The following EIF5B variants were observed in gnomAD, a reference collection of about 807,000 sequenced individuals.
The protein encoded by EIF5B is eukaryotic translation initiation factor 5B.
In EIF5B, 47 loss-of-function variants were observed where a neutral mutation model predicts 147.5. The ratio of observed to expected loss-of-function variants is 0.32; its 90% CI spans 0.25 to 0.41. EIF5B has a LOEUF of 0.41. Among genes scored for constraint, EIF5B ranks in the 10% least tolerant of loss-of-function variants. EIF5B has a pLI of 1.00. For missense variants in EIF5B, 1,064 were observed against 1,413.2 expected (o/e 0.75, Z 3.96); for synonymous variants, 455 against 456.2 (o/e 1.00, Z 0.03).
In EIF5B at chr2:99,398,822, A is replaced by G; in HGVS notation, c.3468A>G (p.Glu1156=). 6.2e-7 allele frequency: 1 copy of G among 1,614,218 alleles called. No homozygotes were observed. ...TGGATGTTGCAAAAAAAGGACAAGA[A>G]GTTTGTGTAAAAATAGAACCTATCC... ...KQVDVAKKGQ[E]VCVKIEPIPG... is the part of the protein sequence containing the mutation. Residue 1156 remains glutamate, a synonymous_variant, in exon 23 of 24, where the codon GAA becomes GAG. Coordinates refer to ENST00000289371, the MANE Select transcript of EIF5B (RefSeq NM_015904.4).
At chr2:99,360,954 C>T (rs999980820) in intron 3 of EIF5B, among the ~76,000 whole-genome samples, 194 bp from the exon 4 acceptor site, 1 of 152,210 alleles carries the variant, frequency 6.6e-6, no homozygotes, top group Non-Finnish European at 1.5e-5. Context: ...CTGCAATTTA[C>T]AATGATGCGA....
At chr2:99,343,684 C>T (rs976913436) in intron 1 of EIF5B, among the ~76,000 whole-genome samples, 8 of 151,634 alleles carry the variant, frequency 5.3e-5, no homozygotes, top group African/African-American at 7.3e-5. Context: ...TGTGGTAGCA[C>T]GCGCCTGTAG....
At chr2:99,367,383 T>C (rs890325106) in intron 6 of EIF5B, among the ~76,000 whole-genome samples, 8 of 150,934 alleles carry the variant, frequency 5.3e-5, no homozygotes, top group Admixed American at 2.0e-4. Context: ...CTGAAAAGAA[T>C]GTTCTAAAAA....
At chr2:99,387,519 A>T (rs1370862280) in intron 14 of EIF5B, among the ~76,000 whole-genome samples, 1 of 152,212 alleles carries the variant, frequency 6.6e-6, no homozygotes, top group African/African-American at 2.4e-5. Context: ...TGCTCTATAT[A>T]CATTCCTATG....
intron 9 of EIF5B, among the ~76,000 whole-genome samples, chr2:99,375,656 G>A (rs574323935): frequency 3.9e-5 from 6 of 152,258 alleles, no homozygotes; most frequent in Admixed American, 2.0e-4. Context: ...TTCTCCCATG[G>A]ATTCTGTCTT....
At chr2:99,364,001 A>C in intron 5 of EIF5B, 139 bp downstream of exon 5, 1 of 1,060,992 alleles carries the variant, frequency 9.4e-7, no homozygotes, top group Non-Finnish European at 1.3e-6. Flanking sequence ...CGATACAAAT[A>C]ATAAGATGAA....
At chr2:99,378,903 A>G (rs1256236109) in intron 10 of EIF5B, 116 bp from the exon 11 acceptor site, 3 of 741,450 alleles carry the variant, frequency 4.0e-6, no homozygotes, top group Non-Finnish European at 6.2e-6. Flanking sequence ...AGTCAAATCA[A>G]CAAAGAACTT....
intron 14 of EIF5B, among the ~76,000 whole-genome samples, chr2:99,387,747 C>T (rs1260625329): frequency 6.6e-6 from 1 of 152,182 alleles, no homozygotes; most frequent in East Asian, 1.9e-4. Flanking sequence ...AGAGAATTGG[C>T]TCTTTTAGCA....
At chr2:99,394,438 G>A (rs189122121) in intron 19 of EIF5B, 40 bp downstream of exon 19, 1 of 1,613,386 alleles carries the variant, frequency 6.2e-7, no homozygotes, top group African/African-American at 1.3e-5. Flanking sequence ...AATGGTGGTT[G>A]GTCGTGGTTT....
intron 23 of EIF5B, 175 bp from the exon 24 acceptor site, chr2:99,399,132 G>A: frequency 1.3e-6 from 1 of 762,934 alleles, no homozygotes; most frequent in Non-Finnish European, 2.1e-6. Flanking sequence ...GTCCCCTCGT[G>A]CCTGACATGC....
At chr2:99,358,677 TG>T in intron 1 of EIF5B, among the ~76,000 whole-genome samples, 1 of 152,334 alleles carries the variant, frequency 6.6e-6, no homozygotes, top group African/African-American at 2.4e-5. Flanking sequence ...ATGCCTTTTG[TG>T]AGCCCTCTTG....
At chr2:99,390,082 A>G (rs1057321563) in intron 15 of EIF5B, 137 bp from the exon 16 acceptor site, 2 of 1,122,402 alleles carry the variant, frequency 1.8e-6, no homozygotes, top group African/African-American at 1.6e-5. Flanking sequence ...TGCTTATAGG[A>G]TATACATGAT....
At chr2:99,395,808 C>T (rs1675032274) in intron 21 of EIF5B, among the ~76,000 whole-genome samples, 4 of 152,052 alleles carry the variant, frequency 2.6e-5, no homozygotes. Context: ...GGGGAGTGTC[C>T]AGAGAGAACA....
At chr2:99,337,625 C>T (rs2094246131) in intron 1 of EIF5B, 36 bp downstream of exon 1, 5 of 1,594,282 alleles carry the variant, frequency 3.1e-6, no homozygotes, top group Non-Finnish European at 4.3e-6. Context: ...CGGCGGCCGC[C>T]GTGGCTCAGT....
At chr2:99,344,594 G>T (rs2094268507) in intron 1 of EIF5B, among the ~76,000 whole-genome samples, 1 of 152,018 alleles carries the variant, frequency 6.6e-6, no homozygotes, top group South Asian at 2.1e-4. Flanking sequence ...GCGCCACCAG[G>T]CCCGGCTAAT....
At chr2:99,358,787 C>A (rs1357732378) in intron 1 of EIF5B, among the ~76,000 whole-genome samples, 1 of 152,168 alleles carries the variant, frequency 6.6e-6, no homozygotes, top group East Asian at 1.9e-4. Context: ...CTTTCCCATT[C>A]TGGATTTGGT....
At chr2:99,398,640 C>CTT in intron 22 of EIF5B, 108 bp from the exon 23 acceptor site, 3 of 1,253,592 alleles carry the variant, frequency 2.4e-6, no homozygotes, top group Non-Finnish European at 3.3e-6. Context: ...ACTGCCATGA[C>CTT]TTTTAAAACA....
intron 1 of EIF5B, among the ~76,000 whole-genome samples, chr2:99,338,101 TG>T (rs2094248283): frequency 6.6e-6 from 1 of 152,234 alleles, no homozygotes; most frequent in Non-Finnish European, 1.5e-5. Context: ...TAATCTGATT[TG>T]GATACAGTTT....
At position 99,394,510 on chromosome 2, in the gene EIF5B, A is replaced by G; in HGVS notation, c.3014A>G (p.Tyr1005Cys). The G allele has an allele frequency of 1.2e-6, 2 of 1,613,928 alleles. No homozygotes were observed. The highest frequency in any genetic ancestry group is 1.7e-4 in the Middle Eastern group (1 of 6,058). Residue 1005 changes from tyrosine (Y) to cysteine (C), a missense_variant and splice_region_variant, in exon 20 of 24, where the codon TAT (tyrosine) becomes TGT (cysteine). By Grantham distance (194) the Tyr-to-Cys change is radical (BLOSUM62 -2). This residue lies in a region of EIF5B where 380 missense variants were observed against 715.6 expected (regional missense o/e 0.53). Transcript: ENST00000289371. The part of the protein sequence containing the change: ...LEFLKTSEVP[Y>C]AGINIGPVHK... ...ACATGGAAACTCCCATTTTTTCAGT[A>G]TGCAGGAATTAACATTGGCCCAGTG...
Sources: gnomAD v4.1 joint callset for allele counts (sites outside exome capture counted in the v4.1 genomes callset) on GRCh38, gnomAD v4.1.1 for gene constraint, gnomAD v4.1.1 regional missense constraint, MANE v1.5 for transcripts, NCBI Gene and HGNC (gene_info 2026-07-23, HGNC 2026-07-21) for gene names.